The following GRHL2 variants were observed in gnomAD, a reference collection of about 807,000 sequenced individuals.
The protein encoded by GRHL2 is grainyhead like transcription factor 2, also known as grainyhead-like protein 2 homolog.
GRHL2 carries 21 observed loss-of-function variants against 83.8 expected under a neutral mutation model. The ratio of observed to expected loss-of-function variants is 0.25; its 90% confidence interval spans 0.18 to 0.36. GRHL2 has a LOEUF of 0.36. Among genes scored for constraint, GRHL2 ranks in the 10% least tolerant of loss-of-function variants. The pLI is 1.00. For synonymous variants in GRHL2, 280 were observed against 278.9 expected, an observed-to-expected ratio of 1.00 and a Z score of -0.04; for missense variants, 623 against 781.8, an observed-to-expected ratio of 0.80 and a Z score of 2.42.
chr8:101,515,680 A>G (rs915340693), intron 1 of GRHL2, among the ~76,000 whole-genome samples: 2 of 152,176 alleles, frequency 1.3e-5, no homozygotes, highest in African/African-American at 4.8e-5. Flanking sequence ...TAGGGTGTCC[A>G]GGAAAGCCTG....
intron 7 of GRHL2, among the ~76,000 whole-genome samples, chr8:101,586,352 A>G (rs1227095775): frequency 6.6e-6 from 1 of 151,636 alleles, no homozygotes; most frequent in African/African-American, 2.4e-5. Context: ...TTCACCCTTC[A>G]CTATTTTTTC....
At chr8:101,523,413 T>C (rs1467077866) in intron 1 of GRHL2, among the ~76,000 whole-genome samples, 2 of 152,020 alleles carry the variant, frequency 1.3e-5, no homozygotes, top group African/African-American at 4.8e-5. Flanking sequence ...CCAAAATTAT[T>C]AGTTCCCCAC....
chr8:101,590,119 T>C (rs905568598), intron 7 of GRHL2, among the ~76,000 whole-genome samples: 1 of 152,168 alleles, frequency 6.6e-6, no homozygotes, highest in African/African-American at 2.4e-5. Flanking sequence ...ATTATTATTA[T>C]TTGCTCATGG....
At chr8:101,648,993 G>A (rs896511035) in intron 13 of GRHL2, among the ~76,000 whole-genome samples, 3 of 152,188 alleles carry the variant, frequency 2.0e-5, no homozygotes. Flanking sequence ...CTTAAGGACA[G>A]GGGCTGTGAT....
At chr8:101,538,965 C>G (rs912566276) in intron 1 of GRHL2, among the ~76,000 whole-genome samples, 3 of 152,132 alleles carry the variant, frequency 2.0e-5, no homozygotes, top group Non-Finnish European at 4.4e-5. Context: ...AAGGATTCAT[C>G]AACAATTTCA....
intron 4 of GRHL2, among the ~76,000 whole-genome samples, chr8:101,562,746 T>G (rs1297691370): frequency 2.0e-5 from 3 of 152,228 alleles, no homozygotes; most frequent in Non-Finnish European, 4.4e-5. Context: ...AATGTGTATT[T>G]TTATTAGCTC....
chr8:101,662,947 T>A lies in GRHL2; in HGVS notation c.1699-1507T>A, dbSNP rs150655932. On this transcript the variant is annotated intron_variant, in intron 14 of 15. Coordinates refer to ENST00000646743, the MANE Select transcript of GRHL2 (RefSeq NM_024915.4). ...AACTTGGTATTTTCTCCTCAATATG[T>A]TAAGAATATTTTTGTTAATGTGAAT... is the stretch of plus-strand genomic sequence containing the variant. 4.6e-5 allele frequency among the ~76,000 whole-genome samples: 7 copies of A among 152,132 alleles called. No individual in the cohort carries two copies. The East Asian group carries it at 1.3e-3, about 29-fold the overall frequency.
chr8:101,531,959 A>G (rs1328519345), intron 1 of GRHL2, among the ~76,000 whole-genome samples: 1 of 152,218 alleles, frequency 6.6e-6, no homozygotes, highest in Non-Finnish European at 1.5e-5. Flanking sequence ...TATGCACTTT[A>G]TGTGGTGGAG....
chr8:101,645,322 G>A lies in GRHL2; in HGVS notation c.1612+1097G>A, dbSNP rs188483004. 2.3e-3 allele frequency among the ~76,000 whole-genome samples: 352 copies of A among 151,886 alleles called. 1 individual carries two copies. The highest frequency in any genetic ancestry group is 7.5e-3 in the African/African-American group (309 of 41,438). ...TAATTTTTGTATTTTTAGTAGAGACGGGGTTTCACAATGTTGGCCAGGATG... is the reference window on the plus strand; with the variant it reads ...TAATTTTTGTATTTTTAGTAGAGACAGGGTTTCACAATGTTGGCCAGGATG... On this transcript the variant is annotated intron_variant, in intron 13 of 15. Coordinates refer to ENST00000646743, the MANE Select transcript of GRHL2 (RefSeq NM_024915.4).
At chr8:101,625,638 C>A (rs997763710) in intron 9 of GRHL2, among the ~76,000 whole-genome samples, 1 of 151,932 alleles carries the variant, frequency 6.6e-6, no homozygotes, top group African/African-American at 2.4e-5. Flanking sequence ...TTGGGAGAAC[C>A]ACTTATTTGT....
At chr8:101,603,154 A>G (rs538827786) in intron 8 of GRHL2, among the ~76,000 whole-genome samples, 12 of 152,302 alleles carry the variant, frequency 7.9e-5, no homozygotes, top group African/African-American at 2.9e-4. Context: ...GAGGATTAAG[A>G]ATGAGGTTTT....
At chr8:101,498,457 A>T (rs1027965744) in intron 1 of GRHL2, among the ~76,000 whole-genome samples, 2 of 152,034 alleles carry the variant, frequency 1.3e-5, no homozygotes, top group Middle Eastern at 3.2e-3. Flanking sequence ...CTGAATTCAG[A>T]TTCTATTTTG....
At chr8:101,608,361 C>G (rs572843730) in intron 8 of GRHL2, among the ~76,000 whole-genome samples, 1 of 152,172 alleles carries the variant, frequency 6.6e-6, no homozygotes, top group East Asian at 1.9e-4. Flanking sequence ...TTATCTCTGA[C>G]AAGGGAATAA....
intron 6 of GRHL2, among the ~76,000 whole-genome samples, chr8:101,575,928 C>A (rs75824172): frequency 6.6e-6 from 1 of 152,104 alleles, no homozygotes; most frequent in African/African-American, 2.4e-5. Context: ...GAATTCGAAA[C>A]GATATGGATA....
chr8:101,543,628 C>T (rs1263837082), intron 2 of GRHL2, 192 bp downstream of exon 2: 6 of 639,754 alleles, frequency 9.4e-6, no homozygotes, highest in Non-Finnish European at 1.7e-5. Flanking sequence ...TATCACCCAT[C>T]CAGAGGAAGT....
chr8:101,664,428 C>G, intron 14 of GRHL2, 26 bp from the exon 15 acceptor site: 1 of 1,589,562 alleles, frequency 6.3e-7, no homozygotes, highest in Non-Finnish European at 8.6e-7. Context: ...CTGTGCTCAT[C>G]TGCCTTCTTG....
chr8:101,677,996 C>T, the GRHL2 span, among the ~76,000 whole-genome samples: 5 of 152,044 alleles, frequency 3.3e-5, no homozygotes, highest in Non-Finnish European at 7.4e-5. Flanking sequence ...ACATTTTTTT[C>T]TCTGTTTCTT....
chr8:101,567,387 C>T lies in GRHL2; in HGVS notation c.679-2952C>T, dbSNP rs182587293. On this transcript the variant is annotated intron_variant, in intron 4 of 15. Transcript: ENST00000646743. ...ATAGGTCTCCGAGCAACTGTGGAAA[C>T]TTGATAACTGTAGCCAGAATGACCT... 2.7e-3 allele frequency among the ~76,000 whole-genome samples: 414 copies of T among 152,302 alleles called. 1 individual carries two copies. The highest frequency in any genetic ancestry group is 4.1e-3 in the Non-Finnish European group (280 of 68,026).
At chr8:101,564,390 T>C (rs1227834255) in intron 4 of GRHL2, among the ~76,000 whole-genome samples, 2 of 152,220 alleles carry the variant, frequency 1.3e-5, no homozygotes, top group Non-Finnish European at 2.9e-5. Context: ...AAATTTATTT[T>C]GCCATTTGAG....
Sources: allele counts gnomAD v4.1 joint callset (sites outside exome capture counted in the v4.1 genomes callset), GRCh38; gene constraint gnomAD v4.1.1; transcripts MANE v1.5; gene names NCBI Gene and HGNC (gene_info 2026-07-23, HGNC 2026-07-21).